Variants in EHMT1 observed in about 807,000 individuals in gnomAD.
EHMT1 encodes the protein euchromatic histone lysine methyltransferase 1.
Under a neutral mutation model 147.2 loss-of-function variants are expected in EHMT1, and 15 were observed. The ratio of observed to expected loss-of-function variants is 0.10; its 90% CI spans 0.07 to 0.16. The LOEUF (loss-of-function observed/expected upper bound fraction) is 0.16. Among genes scored for constraint, EHMT1 ranks in the 10% least tolerant of loss-of-function variants. The pLI, the probability that EHMT1 is intolerant of heterozygous loss-of-function variation, is 1.00. For synonymous variants in EHMT1, 795 were observed against 709.6 expected (o/e 1.12, Z -1.91); for missense variants, 1,587 against 1,772.4 (o/e 0.90, Z 1.88).
intron 10 of EHMT1, chr9:137,764,809 C>T (rs1033992456): frequency 6.6e-6 from 1 of 152,212 alleles, no homozygotes; most frequent in Non-Finnish European, 1.5e-5. Context: ...TCACCCAGAA[C>T]ATTCTCTCTG....
rs1956415671 is a variant in EHMT1, at chr9:137,834,022, G to A, written c.3541-327G>A. ...CTATTGGTGCCAGACAGCCCCATGGGTCCTCGGGTGGGATGGCGCTGTCCA... is the reference window on the plus strand; with the variant it reads ...CTATTGGTGCCAGACAGCCCCATGGATCCTCGGGTGGGATGGCGCTGTCCA... On this transcript the variant is annotated intron_variant, in intron 25 of 26. Coordinates refer to ENST00000460843, the MANE Select transcript of EHMT1 (RefSeq NM_024757.5). 20 of 419,952 alleles carry A rather than the reference G, an allele frequency of 4.8e-5. No individual in the cohort carries two copies. In the South Asian group the frequency reaches 4.9e-4, roughly 10 times the overall value. The allele number at this position is 419,952 out of a possible 1,614,324, so 26.0% of individuals were successfully genotyped here. A position where few individuals can be genotyped will look rare whatever the true frequency, so the allele number is the denominator to read the frequency against.
rs35127474 is a variant in EHMT1 at position 137,650,107 on chromosome 9, A to AT, written c.21+31067dup. ...CCAACACTTGTTATTTTATTTATTT[A>AT]TTTTTTTTTGAGACAGGGTCTCACC... On this transcript the variant is annotated intron_variant, in intron 1 of 26. Coordinates refer to ENST00000460843, the MANE Select transcript of EHMT1 (RefSeq NM_024757.5). Among the ~76,000 whole-genome samples, 31 of 150,616 alleles carry AT rather than the reference A, an allele frequency of 2.1e-4. No homozygotes were observed. The South Asian group carries it at 5.3e-3, about 26-fold the overall frequency.
At chr9:137,729,205 C>T (rs904682786) in intron 4 of EHMT1, among the ~76,000 whole-genome samples, 1 of 152,116 alleles carries the variant, frequency 6.6e-6, no homozygotes, top group African/African-American at 2.4e-5. Context: ...GGAGGTCAGC[C>T]GGCCCTCGTG....
chr9:137,831,317 G>A (rs958390848), intron 25 of EHMT1, among the ~76,000 whole-genome samples: 1 of 152,162 alleles, frequency 6.6e-6, no homozygotes, highest in Non-Finnish European at 1.5e-5. Context: ...GATAGTGCAC[G>A]AGCCCTTACC....
At chr9:137,725,461 G>T (rs1946534019) in intron 3 of EHMT1, among the ~76,000 whole-genome samples, 2 of 152,176 alleles carry the variant, frequency 1.3e-5, no homozygotes, top group Admixed American at 1.3e-4. Context: ...AGAGGTGGAG[G>T]TACATTCCAA....
At chr9:137,812,626 T>C (rs1371404567) in intron 19 of EHMT1, among the ~76,000 whole-genome samples, 1 of 152,186 alleles carries the variant, frequency 6.6e-6, no homozygotes, top group Non-Finnish European at 1.5e-5. Flanking sequence ...TGAGCAGGAG[T>C]GGAACTGAGG....
rs113029334 is a variant in EHMT1, at chr9:137,811,856, T to C, written c.2867+241T>C. 0.015 allele frequency among the ~76,000 whole-genome samples: 2,278 copies of C among 152,318 alleles called. 67 individuals carry two copies. Among genetic ancestry groups the C allele is most frequent in the African/African-American group, 0.052 (2,142 of 41,568 alleles). The stretch of plus-strand genomic sequence containing the variant: ...GGATTGTCATGAAAAAATTCCCAAG[T>C]TGGAGTCTCAGACCTGATACTCCTC... On this transcript the variant is annotated intron_variant, in intron 19 of 26. Transcript: ENST00000460843.
Position 137,720,048 on chromosome 9 carries a change from C to T in EHMT1, c.642+2866C>T, listed in dbSNP as rs574984326. Among the ~76,000 whole-genome samples, 72 of 73,604 alleles carry T rather than the reference C, an allele frequency of 9.8e-4. 5 individuals carry two copies. Among genetic ancestry groups the T allele is most frequent in the Non-Finnish European group, 1.4e-3 (59 of 41,604 alleles). 48.3% of individuals were successfully genotyped at this position (73,604 alleles called of 152,430 possible). A position where few individuals can be genotyped will look rare whatever the true frequency, so the allele number is the denominator to read the frequency against. On this transcript the variant is annotated intron_variant, in intron 3 of 26. Transcript: ENST00000460843. The stretch of plus-strand genomic sequence containing the variant: ...GTGCCGAACCTCCTCCACACCAGGG[C>T]ACAGTCGAGGTGCCGAACCCCCTCC...
At chr9:137,725,952 C>T (rs1946583302) in intron 3 of EHMT1, among the ~76,000 whole-genome samples, 1 of 152,180 alleles carries the variant, frequency 6.6e-6, no homozygotes, top group Non-Finnish European at 1.5e-5. Flanking sequence ...CCTCCACAAG[C>T]ACCTCCTGAA....
In EHMT1 at chr9:137,757,949, T is replaced by C. The variant is rs1949507724; in HGVS notation, c.1439T>C (p.Met480Thr). The stretch of plus-strand genomic sequence containing the variant: ...GCACCAGGAGACAGCACAGGGTACA[T>C]GGAAGTTTCTCTGGACTCCCTGGAT... ...QTAPGDSTGY[M>T]EVSLDSLDLR... Residue 480 changes from methionine to threonine, a missense_variant, in exon 9 of 27, where the codon ATG (methionine) becomes ACG (threonine). Physicochemically the swap from Met to Thr is moderately conservative, Grantham distance 81 (BLOSUM62 -1). Transcript: ENST00000460843. 1.2e-6 allele frequency: 2 copies of C among 1,614,038 alleles called. No individual in the cohort carries two copies. The highest frequency in any genetic ancestry group is 2.2e-5 in the East Asian group (1 of 44,868).
chr9:137,629,628 C>T (rs994351305), intron 1 of EHMT1, among the ~76,000 whole-genome samples: 1 of 151,310 alleles, frequency 6.6e-6, no homozygotes, highest in African/African-American at 2.4e-5. Flanking sequence ...CTCCTGACCT[C>T]GTGATCTGCC....
Position 137,717,027 on chromosome 9 carries a change from A to G in EHMT1, c.487A>G (p.Arg163Gly), listed in dbSNP as rs1945389322. The change falls in exon 3 of 27, where the codon AGG becomes GGG. Residue 163 changes from arginine (R) to glycine (G), a missense_variant. Arg to Gly is a moderately radical substitution (Grantham distance 125). Around this residue, in one of 7 missense-constraint regions of EHMT1, gnomAD observed 810 missense variants for 673.0 expected, o/e 1.20. Coordinates refer to ENST00000460843, the MANE Select transcript of EHMT1 (RefSeq NM_024757.5). ...KTLPGGAGKG[R>G]TPSAFPQTPA... Reference sequence around the variant, plus strand: ...CCTTCCTGGAGGGGCTGGCAAAGGCAGGACTCCAAGCGCTTTTCCCCAGAC... The same window carrying G: ...CCTTCCTGGAGGGGCTGGCAAAGGCGGGACTCCAAGCGCTTTTCCCCAGAC... 5.6e-6 allele frequency: 9 copies of G among 1,606,792 alleles called. No individual in the cohort carries two copies. Among genetic ancestry groups the G allele is most frequent in the South Asian group, 1.1e-5 (1 of 90,928 alleles).
chr9:137,662,530 C>T (rs1285237685), intron 1 of EHMT1, among the ~76,000 whole-genome samples: 13 of 152,010 alleles, frequency 8.6e-5, no homozygotes, highest in African/African-American at 1.9e-4. Flanking sequence ...GACAGAGTCT[C>T]GCTCTGTTGC....
intron 1 of EHMT1, among the ~76,000 whole-genome samples, chr9:137,621,886 T>TA (rs1403824631): frequency 6.6e-6 from 1 of 151,876 alleles, no homozygotes; most frequent in Non-Finnish European, 1.5e-5. Context: ...GCGCATAATT[T>TA]AAAAAATCAG....
At chr9:137,631,229 A>C (rs747786959) in intron 1 of EHMT1, among the ~76,000 whole-genome samples, 19 of 151,934 alleles carry the variant, frequency 1.3e-4, no homozygotes, top group Admixed American at 2.6e-4. Context: ...GTCTCTAATA[A>C]AAATATAAAA....
rs148320613 is a variant in EHMT1, at chr9:137,799,654, G to A, written c.2607+740G>A. Among the ~76,000 whole-genome samples the A allele has an allele frequency of 4.2e-3, 647 of 152,280 alleles. 1 individual carries two copies. The highest frequency in any genetic ancestry group is 0.014 in the African/African-American group (572 of 41,556). Reference sequence around the variant, plus strand: ...GCTCTGGGATAAGTGCCATCCTCACGCTCGCTCTCACTCCTTCCTTCAGGA... The same window carrying A: ...GCTCTGGGATAAGTGCCATCCTCACACTCGCTCTCACTCCTTCCTTCAGGA... On this transcript the variant is annotated intron_variant, in intron 17 of 26. Transcript: ENST00000460843.
intron 1 of EHMT1, among the ~76,000 whole-genome samples, chr9:137,643,742 A>G (rs1844681400): frequency 6.6e-6 from 1 of 152,140 alleles, no homozygotes; most frequent in South Asian, 2.1e-4. Flanking sequence ...ACCCTCGTTC[A>G]TGACACGTTG....
intron 3 of EHMT1, among the ~76,000 whole-genome samples, chr9:137,724,786 G>T (rs1946422002): frequency 6.6e-6 from 1 of 152,184 alleles, no homozygotes; most frequent in South Asian, 2.1e-4. Flanking sequence ...GCTGGAGAAA[G>T]ACCAAGAAAC....
At chr9:137,624,532 T>C (rs1388318253) in intron 1 of EHMT1, among the ~76,000 whole-genome samples, 1 of 152,128 alleles carries the variant, frequency 6.6e-6, no homozygotes, top group African/African-American at 2.4e-5. Context: ...GCCAGGCAGG[T>C]CTCGAACTCC....
Sources: gnomAD v4.1 joint callset for allele counts (sites outside exome capture counted in the v4.1 genomes callset) on GRCh38, gnomAD v4.1.1 for gene constraint, gnomAD v4.1.1 regional missense constraint, MANE v1.5 for transcripts, NCBI Gene and HGNC (gene_info 2026-07-23, HGNC 2026-07-21) for gene names.